The following USP16 variants were observed in gnomAD, a reference collection of about 807,000 sequenced individuals.
USP16 encodes the protein ubiquitin carboxyl-terminal hydrolase 16.
Under a neutral mutation model 95.9 loss-of-function variants are expected in USP16, and 77 were observed. That is an observed-to-expected ratio of 0.80 (90% CI 0.67 to 0.97). The LOEUF (loss-of-function observed/expected upper bound fraction) is 0.97, where lower values mean the gene tolerates loss of function less well. Among genes scored for constraint, USP16 ranks in the 50% least tolerant of loss-of-function variants. The pLI is 0.00. For synonymous variants in USP16, 303 were observed against 318.2 expected (o/e 0.95, Z 0.51); for missense variants, 943 against 959.9 (o/e 0.98, Z 0.23).
chr21:29,035,011 TG>T, intron 4 of USP16, 71 bp downstream of exon 4: 1 of 1,440,292 alleles, frequency 6.9e-7, no homozygotes, highest in East Asian at 2.3e-5. Context: ...TGTTTAAATA[TG>T]TTTAAGAAGA....
chr21:29,051,288 A>G (rs1444788105), intron 16 of USP16, among the ~76,000 whole-genome samples: 1 of 152,258 alleles, frequency 6.6e-6, no homozygotes, highest in Non-Finnish European at 1.5e-5. Flanking sequence ...TAATGTGCTT[A>G]GTCTAGAAAA....
intron 11 of USP16, 84 bp from the exon 12 acceptor site, chr21:29,042,387 TC>T (rs770536841): frequency 4.1e-4 from 546 of 1,318,188 alleles, no homozygotes; most frequent in Admixed American, 7.2e-4. Context: ...CATCCCCTAC[TC>T]CCCATCCCAC....
At chr21:29,042,176 C>A in intron 11 of USP16, 72 bp downstream of exon 11, 1 of 1,341,214 alleles carries the variant, frequency 7.5e-7, no homozygotes, top group Non-Finnish European at 1.0e-6. Context: ...ATTTCAAAAG[C>A]AGAAATCTCT....
Position 29,042,474 on chromosome 21 carries a change from C to T in USP16, c.1125C>T (p.Val375=). ...ACTGTCTTTTCTGATTGGTTAAGGT[C>T]TCCTTGGTTCATGAATCTTTCCTTG... The part of the protein sequence containing the change: ...SMIMCDQCRT[V]SLVHESFLDL... Residue 375 remains valine, a splice_region_variant and synonymous_variant, in exon 12 of 18, where the codon GTC becomes GTT. Coordinates refer to ENST00000399976, the MANE Select transcript of USP16 (RefSeq NM_006447.3). 1 of 1,603,088 alleles carries T rather than the reference C, an allele frequency of 6.2e-7. No individual in the cohort carries two copies. The highest frequency in any genetic ancestry group is 8.5e-7 in the Non-Finnish European group (1 of 1,176,026).
Position 29,027,911 on chromosome 21 carries a change from A to G in USP16, c.-3A>G. 6.2e-7 allele frequency: 1 copy of G among 1,613,662 alleles called. No individual in the cohort carries two copies. The highest frequency in any genetic ancestry group is 8.5e-7 in the Non-Finnish European group (1 of 1,179,756). On this transcript the variant is annotated 5_prime_UTR_variant, in exon 2 of 18. Coordinates refer to ENST00000399976, the MANE Select transcript of USP16 (RefSeq NM_006447.3). ...GTCAGTAAGTAATCCATAAAGTGCC[A>G]ACATGGGAAAGAAACGGACAAAGGG...
chr21:29,035,357 A>G (rs543614040), intron 4 of USP16, among the ~76,000 whole-genome samples: 108 of 151,864 alleles, frequency 7.1e-4, no homozygotes, highest in Non-Finnish European at 1.1e-3. Context: ...TCATTTTCAC[A>G]GTAGTCTTCA....
chr21:29,040,015 A>T (rs2085219782), intron 9 of USP16, among the ~76,000 whole-genome samples: 1 of 152,192 alleles, frequency 6.6e-6, no homozygotes, highest in Non-Finnish European at 1.5e-5. Flanking sequence ...GCCAGGATAT[A>T]AAAAAATGTA....
intron 1 of USP16, chr21:29,025,607 T>C (rs747399617): frequency 3.7e-5 from 9 of 241,346 alleles, no homozygotes; most frequent in Non-Finnish European, 6.0e-5. Context: ...AGTTTTCCTA[T>C]GGAGTCTAAG....
intron 13 of USP16, among the ~76,000 whole-genome samples, chr21:29,044,258 A>G (rs2085288912): frequency 6.6e-6 from 1 of 151,840 alleles, no homozygotes; most frequent in Non-Finnish European, 1.5e-5. Context: ...TTTTATGACA[A>G]AGATAAACAT....
rs188024044 is a variant in USP16, at chr21:29,032,685, G to A, written c.240+1912G>A. Reference sequence around the variant, plus strand: ...CCTGTCGAATGACAACATCTGGGCTGATCCCATTTTTTGGTGATTACAAAT... The same window carrying A: ...CCTGTCGAATGACAACATCTGGGCTAATCCCATTTTTTGGTGATTACAAAT... On this transcript the variant is annotated intron_variant, in intron 3 of 17. Coordinates refer to ENST00000399976, the MANE Select transcript of USP16 (RefSeq NM_006447.3). 2.2e-3 allele frequency among the ~76,000 whole-genome samples: 342 copies of A among 152,266 alleles called. 3 individuals are homozygous for A. Among genetic ancestry groups the A allele is most frequent in the African/African-American group, 7.3e-3 (304 of 41,536 alleles).
chr21:29,037,526 C>T (rs2085176851), intron 6 of USP16, 63 bp downstream of exon 6: 1 of 1,184,322 alleles, frequency 8.4e-7, no homozygotes, highest in Non-Finnish European at 1.1e-6. Context: ...CTGCTACTTA[C>T]ATTATTGAGT....
intron 4 of USP16, 70 bp downstream of exon 4, chr21:29,035,010 A>G: frequency 6.9e-7 from 1 of 1,441,302 alleles, no homozygotes; most frequent in Middle Eastern, 1.8e-4. Flanking sequence ...ATGTTTAAAT[A>G]TGTTTAAGAA....
rs975615212 is a variant in USP16, at chr21:29,054,149, T to G, written c.2434T>G (p.Ser812Ala). The G allele has an allele frequency of 1.9e-6, 3 of 1,614,018 alleles. No individual in the cohort carries two copies. In the African/African-American group the frequency reaches 4.0e-5, roughly 22 times the overall value. Residue 812 changes from serine (S) to alanine (A), a missense_variant, in exon 18 of 18, where the codon TCA becomes GCA. Physicochemically the swap from Ser to Ala is moderately conservative, Grantham distance 99. Transcript: ENST00000399976. Reference protein sequence around the residue: ...QAVPTTKVLNSQAYLLFYERI... With the variant: ...QAVPTTKVLNAQAYLLFYERI... ...TGTGCCTACAACTAAAGTACTAAAC[T>G]CACAAGCGTACCTCCTATTTTATGA...
intron 2 of USP16, among the ~76,000 whole-genome samples, chr21:29,030,139 T>C (rs1390283463): frequency 6.6e-6 from 1 of 151,982 alleles, no homozygotes; most frequent in Non-Finnish European, 1.5e-5. Context: ...TGCCTTTCCT[T>C]CCAGAATGTG....
Position 29,036,494 on chromosome 21 carries a change from C to A in USP16, c.448+120C>A. On this transcript the variant is annotated intron_variant, in intron 5 of 17. Coordinates refer to ENST00000399976, the MANE Select transcript of USP16 (RefSeq NM_006447.3). ...GAGTAACATTAGTTATGGTTGATTG[C>A]AAACTATGAAACTATTTTTGGTTTA... is the stretch of plus-strand genomic sequence containing the variant. 5 of 927,650 alleles carry A rather than the reference C, an allele frequency of 5.4e-6. No homozygotes were observed. The South Asian group carries it at 6.6e-5, about 12-fold the overall frequency. The allele number at this position is 927,650 out of a possible 1,614,324, so 57.5% of individuals were successfully genotyped here. A position where few individuals can be genotyped will look rare whatever the true frequency, so the allele number is the denominator to read the frequency against.
In USP16 at chr21:29,046,872, T is replaced by C; in HGVS notation, c.1562T>C (p.Met521Thr). 1 of 1,614,110 alleles carries C rather than the reference T, an allele frequency of 6.2e-7. No homozygotes were observed. The highest frequency in any genetic ancestry group is 2.2e-5 in the East Asian group (1 of 44,870). The change falls in exon 14 of 18, where the codon ATG (methionine) becomes ACG (threonine). Residue 521 changes from methionine (M) to threonine (T), a missense_variant. Coordinates refer to ENST00000399976, the MANE Select transcript of USP16 (RefSeq NM_006447.3). The part of the protein sequence containing the change: ...NQKDLNGQAK[M>T]IESVTDNQKS... ...AAAGATTTGAATGGCCAAGCAAAAA[T>C]GATCGAAAGTGTAACTGACAATCAA...
rs928879089 is a variant in USP16 at position 29,037,274 on chromosome 21, AG to A, written c.449-1del. 4.0e-6 allele frequency: 6 copies of A among 1,510,606 alleles called. No homozygotes were observed. In the African/African-American group the frequency reaches 8.5e-5, roughly 21 times the overall value. The allele number at this position is 1,510,606 out of a possible 1,614,324, so 93.6% of individuals were successfully genotyped here. A position where few individuals can be genotyped will look rare whatever the true frequency, so the allele number is the denominator to read the frequency against. On this transcript the variant is annotated splice_acceptor_variant, in intron 5 of 17. Coordinates refer to ENST00000399976, the MANE Select transcript of USP16 (RefSeq NM_006447.3). LOFTEE classifies it high-confidence loss of function. ...TTTGCTAAATCTTTTCTTTTTTTAA[AG>A]CAGAGAAAGATAATGGAAATATTGA...
In USP16 at chr21:29,024,736, A is replaced by G; in HGVS notation, c.-83A>G. ...AAGACGGAGCTGGCTGCCCAGCCCAAAGGCCCATGAGGGGATGCAGTTATG... is the reference window on the plus strand; with the variant it reads ...AAGACGGAGCTGGCTGCCCAGCCCAGAGGCCCATGAGGGGATGCAGTTATG... On this transcript the variant is annotated 5_prime_UTR_variant, in exon 1 of 18. Transcript: ENST00000399976. The G allele has an allele frequency of 2.3e-6, 3 of 1,289,374 alleles. No homozygotes were observed. Among genetic ancestry groups the G allele is most frequent in the African/African-American group, 1.5e-5 (1 of 66,006 alleles). The allele number at this position is 1,289,374 out of a possible 1,614,324, so 79.9% of individuals were successfully genotyped here.
At chr21:29,045,647 C>T (rs1267228785) in intron 13 of USP16, among the ~76,000 whole-genome samples, 4 of 152,020 alleles carry the variant, frequency 2.6e-5, no homozygotes, top group Admixed American at 2.0e-4. Flanking sequence ...TCAGACCCAC[C>T]GTGTGGTATA....
Sources: gnomAD v4.1 joint callset for allele counts (sites outside exome capture counted in the v4.1 genomes callset) on GRCh38, gnomAD v4.1.1 for gene constraint, MANE v1.5 for transcripts, NCBI Gene and HGNC (gene_info 2026-07-23, HGNC 2026-07-21) for gene names.